Variants in PTPRG observed in about 807,000 individuals in gnomAD.
PTPRG encodes the protein receptor-type tyrosine-protein phosphatase gamma.
Under a neutral mutation model 165.3 loss-of-function variants are expected in PTPRG, and 102 were observed. The ratio of observed to expected loss-of-function variants is 0.62; its 90% CI spans 0.53 to 0.73. The LOEUF (loss-of-function observed/expected upper bound fraction) is 0.73, where lower values mean the gene tolerates loss of function less well. Among genes scored for constraint, PTPRG ranks in the 30% least tolerant of loss-of-function variants. The pLI is 0.00. For missense variants in PTPRG, 1,866 were observed against 1,861.4 expected, an observed-to-expected ratio of 1.00 and a Z score of -0.05; for synonymous variants, 675 against 669.5, an observed-to-expected ratio of 1.01 and a Z score of -0.13.
Position 62,296,143 on chromosome 3 carries a change from T to C in PTPRG, c.*2836T>C, listed in dbSNP as rs1399682940. 1.8e-4 allele frequency: 28 copies of C among 151,958 alleles called. No homozygotes were observed. Among genetic ancestry groups the C allele is most frequent in the Admixed American group, 1.8e-3 (28 of 15,234 alleles). The allele number at this position is 151,958 out of a possible 1,614,324, so 9.4% of individuals were successfully genotyped here. On this transcript the variant is annotated 3_prime_UTR_variant, in exon 30 of 30. Transcript: ENST00000474889. Reference sequence around the variant, plus strand: ...TGCTGTTGCCATCAGGAGAACTCTTTCTTATATGCGATAGCCAAGATATCT... The same window carrying C: ...TGCTGTTGCCATCAGGAGAACTCTTCCTTATATGCGATAGCCAAGATATCT...
At chr3:62,267,202 T>G (rs1179934400) in intron 17 of PTPRG, among the ~76,000 whole-genome samples, 1 of 152,096 alleles carries the variant, frequency 6.6e-6, no homozygotes, top group Non-Finnish European at 1.5e-5. Context: ...TAGTTTTACA[T>G]GAGTTTGCAT....
chr3:61,745,498 T>A (rs565057390), intron 1 of PTPRG, among the ~76,000 whole-genome samples: 50 of 152,288 alleles, frequency 3.3e-4, no homozygotes, highest in African/African-American at 1.2e-3. Context: ...TAGAAGCCAG[T>A]TTTCCTGCCC....
chr3:61,787,823 A>G (rs761282211), intron 2 of PTPRG, among the ~76,000 whole-genome samples: 14 of 152,148 alleles, frequency 9.2e-5, no homozygotes, highest in Non-Finnish European at 1.9e-4. Flanking sequence ...TTAGGTAGAC[A>G]TTTGTGAACA....
chr3:61,736,115 C>G (rs28469292), intron 1 of PTPRG, among the ~76,000 whole-genome samples: 20 of 152,048 alleles, frequency 1.3e-4, no homozygotes, highest in African/African-American at 4.8e-4. Flanking sequence ...ACCATGTTAC[C>G]CAGGCTGGTC....
chr3:62,234,078 C>T (rs1195512110), intron 14 of PTPRG, among the ~76,000 whole-genome samples: 1 of 152,120 alleles, frequency 6.6e-6, no homozygotes, highest in Non-Finnish European at 1.5e-5. Flanking sequence ...CCTTTTATCT[C>T]CTTGTACACA....
rs1008934401 is a variant in PTPRG, at chr3:62,203,571, G to C, written c.1776G>C (p.Glu592Asp). ...AGAAAAGCGAGAGTGAGGATGGGGA[G>C]CGGGAGCACGAGGAGGATGGAGAGA... Reference protein sequence around the residue: ...KDEKSESEDGEREHEEDGEKD... With the variant: ...KDEKSESEDGDREHEEDGEKD... The change falls in exon 12 of 30, where the codon GAG (glutamate) becomes GAC (aspartate). Residue 592 changes from glutamate to aspartate, a missense_variant. Physicochemically the swap from Glu to Asp is conservative, Grantham distance 45 (BLOSUM62 2). This residue lies in a region of PTPRG where 1,452 missense variants were observed against 1,463.0 expected (regional missense o/e 0.99). Transcript: ENST00000474889. This position sits in a 1 kb window ranked among gnomAD's most constrained non-coding sequence, Gnocchi z 6.4. 3.9e-6 allele frequency: 6 copies of C among 1,552,566 alleles called. No homozygotes were observed. In the African/African-American group the frequency reaches 8.2e-5, roughly 21 times the overall value.
At chr3:62,257,004 G>C (rs1331864219) in intron 16 of PTPRG, among the ~76,000 whole-genome samples, 1 of 152,112 alleles carries the variant, frequency 6.6e-6, no homozygotes, top group African/African-American at 2.4e-5. Context: ...GATACTTATG[G>C]GAGTGGAATG....
intron 3 of PTPRG, among the ~76,000 whole-genome samples, chr3:62,000,309 C>G (rs1345125971): frequency 1.3e-5 from 2 of 149,522 alleles, no homozygotes; most frequent in Non-Finnish European, 3.0e-5. Flanking sequence ...AAGTCCTTAC[C>G]AATTTGATAG....
chr3:61,759,667 A>G (rs898523503), intron 2 of PTPRG, among the ~76,000 whole-genome samples: 1 of 152,130 alleles, frequency 6.6e-6, no homozygotes, highest in Admixed American at 6.6e-5. Context: ...AATAATAATA[A>G]TAAGAATACT....
intron 3 of PTPRG, 129 bp from the exon 4 acceptor site, chr3:62,003,219 AT>A (rs2041216193): frequency 1.8e-6 from 2 of 1,090,408 alleles, no homozygotes; most frequent in African/African-American, 1.6e-5. Flanking sequence ...TGTTCAACAT[AT>A]TTTTTCATAG....
At chr3:62,112,379 C>T (rs1435698251) in intron 5 of PTPRG, among the ~76,000 whole-genome samples, 2 of 152,296 alleles carry the variant, frequency 1.3e-5, no homozygotes, top group East Asian at 3.9e-4. Flanking sequence ...GCTGGGATTA[C>T]AGGCGTGAGC....
chr3:62,124,265 A>C, intron 5 of PTPRG: 4 of 1,460,666 alleles, frequency 2.7e-6, no homozygotes, highest in Non-Finnish European at 3.8e-6. Flanking sequence ...AGAAGCCTGC[A>C]AGGACAGGAT....
At chr3:61,969,228 C>A (rs1176077816) in intron 2 of PTPRG, among the ~76,000 whole-genome samples, 1 of 152,120 alleles carries the variant, frequency 6.6e-6, no homozygotes, top group African/African-American at 2.4e-5. Flanking sequence ...GTGCACATGA[C>A]AATGTGGTCT....
At chr3:62,145,046 C>T (rs530916309) in intron 6 of PTPRG, among the ~76,000 whole-genome samples, 8 of 152,088 alleles carry the variant, frequency 5.3e-5, no homozygotes, top group Non-Finnish European at 1.2e-4. Context: ...TTGCCTACTG[C>T]AAAAGTGCCT....
chr3:61,937,938 G>T (rs58418583), intron 2 of PTPRG, among the ~76,000 whole-genome samples: 53,192 of 148,640 alleles, frequency 0.36, 10,480 homozygotes, highest in African/African-American at 0.52. Context: ...TGATCTTGGG[G>T]TTTTTTTTTT....
chr3:61,737,255 C>A (rs1389477511), intron 1 of PTPRG, among the ~76,000 whole-genome samples: 4 of 152,198 alleles, frequency 2.6e-5, no homozygotes, highest in African/African-American at 9.6e-5. Context: ...GTGTGTTTCA[C>A]TTTATTTTCA....
intron 4 of PTPRG, among the ~76,000 whole-genome samples, chr3:62,074,946 C>A (rs570298575): frequency 1.6e-4 from 24 of 152,254 alleles, no homozygotes; most frequent in Non-Finnish European, 2.8e-4. Flanking sequence ...CACGCATGTC[C>A]AATTCACTCA....
At chr3:61,658,748 A>C (rs921322680) in intron 1 of PTPRG, among the ~76,000 whole-genome samples, 1 of 152,214 alleles carries the variant, frequency 6.6e-6, no homozygotes, top group African/African-American at 2.4e-5. Context: ...AAGTATTTAT[A>C]GAATGAAAGG....
rs1033860237 is a variant in PTPRG at position 62,295,362 on chromosome 3, T to A, written c.*2055T>A. The A allele has an allele frequency of 6.6e-6, 1 of 152,134 alleles. No individual in the cohort carries two copies. Among genetic ancestry groups the A allele is most frequent in the South Asian group, 2.1e-4 (1 of 4,826 alleles). 9.4% of individuals were successfully genotyped at this position (152,134 alleles called of 1,614,324 possible). A position where few individuals can be genotyped will look rare whatever the true frequency, so the allele number is the denominator to read the frequency against. On this transcript the variant is annotated 3_prime_UTR_variant, in exon 30 of 30. Transcript: ENST00000474889. ...GTTTTAGATGTATAGAGTATTGATA[T>A]GAGTTAACACTTTTTAGTAGATGGC... is the stretch of plus-strand genomic sequence containing the variant.
Sources: gnomAD v4.1 joint callset for allele counts (sites outside exome capture counted in the v4.1 genomes callset) on GRCh38, gnomAD v4.1.1 for gene constraint, gnomAD v4.1.1 regional missense constraint, Gnocchi (gnomAD v3.1) non-coding constraint, MANE v1.5 for transcripts, NCBI Gene and HGNC (gene_info 2026-07-23, HGNC 2026-07-21) for gene names.